Variants in DTNA observed in about 807,000 individuals in gnomAD.
DTNA encodes the protein dystrophin-related protein 3.
A neutral mutation model predicts 100.7 loss-of-function variants in DTNA; 43 were observed. That is an observed-to-expected ratio of 0.43 (90% confidence interval 0.33 to 0.55). The LOEUF (loss-of-function observed/expected upper bound fraction) is 0.55. Among genes scored for constraint, DTNA ranks in the 20% least tolerant of loss-of-function variants. DTNA has a pLI of 0.04. For missense variants in DTNA, 798 were observed against 953.9 expected, an observed-to-expected ratio of 0.84 and a Z score of 2.15; for synonymous variants, 349 against 347.9, an observed-to-expected ratio of 1.00 and a Z score of -0.04.
intron 1 of DTNA, among the ~76,000 whole-genome samples, chr18:34,503,104 C>T (rs1230765057): frequency 6.6e-6 from 1 of 151,826 alleles, no homozygotes; most frequent in Non-Finnish European, 1.5e-5. Context: ...AATAATGCCC[C>T]TCTCTGTATC....
intron 1 of DTNA, among the ~76,000 whole-genome samples, chr18:34,692,013 A>G (rs1357419278): frequency 1.3e-5 from 2 of 152,226 alleles, no homozygotes; most frequent in Non-Finnish European, 2.9e-5. Context: ...AACCTTCATT[A>G]TCAATCACAG....
intron 9 of DTNA, chr18:34,825,404 C>G (rs1235994397): frequency 8.6e-7 from 1 of 1,169,178 alleles, no homozygotes; most frequent in Non-Finnish European, 1.3e-6. Flanking sequence ...GCTGTACACT[C>G]AGTTCACAAG....
At chr18:34,535,939 T>C (rs1441195845) in intron 1 of DTNA, among the ~76,000 whole-genome samples, 1 of 152,076 alleles carries the variant, frequency 6.6e-6, no homozygotes, top group African/African-American at 2.4e-5. Flanking sequence ...TGTCTTCTTT[T>C]ATTCTTCTAA....
chr18:34,617,492 C>T (rs922399909), intron 1 of DTNA, among the ~76,000 whole-genome samples: 1 of 152,026 alleles, frequency 6.6e-6, no homozygotes. Context: ...TTGTGGTGGA[C>T]TCGCTTTTTG....
At chr18:34,678,003 G>A (rs140875858) in intron 1 of DTNA, among the ~76,000 whole-genome samples, 239 of 152,246 alleles carry the variant, frequency 1.6e-3, no homozygotes, top group Middle Eastern at 3.4e-3. Flanking sequence ...ACTTACAGTC[G>A]TGGTGAAAGT....
chr18:34,826,152 G>A (rs140750170), intron 9 of DTNA, among the ~76,000 whole-genome samples: 3 of 152,298 alleles, frequency 2.0e-5, no homozygotes, highest in East Asian at 1.9e-4. Flanking sequence ...CAGATGACAT[G>A]TCTTACAAAA....
rs7244335 is a variant in DTNA at position 34,634,706 on chromosome 18, T to A, written c.-1-121270T>A. 8.8e-3 allele frequency among the ~76,000 whole-genome samples: 1,345 copies of A among 152,242 alleles called. 13 individuals are homozygous for A. The highest frequency in any genetic ancestry group is 0.03 in the African/African-American group (1,265 of 41,532). On this transcript the variant is annotated intron_variant, in intron 1 of 19. Transcript: ENST00000283365. ...AAGTGGTTGTTTCTTTTAAAAAAAATTTAATTAACAAATATAAATTGTATA... is the reference window on the plus strand; with the variant it reads ...AAGTGGTTGTTTCTTTTAAAAAAAAATTAATTAACAAATATAAATTGTATA...
chr18:34,685,353 A>T (rs1180672868), intron 1 of DTNA, among the ~76,000 whole-genome samples: 1 of 152,222 alleles, frequency 6.6e-6, no homozygotes, highest in Admixed American at 6.5e-5. Context: ...AGCTTTCTGC[A>T]TATGGCTAGC....
intron 1 of DTNA, among the ~76,000 whole-genome samples, chr18:34,610,237 T>C (rs917624703): frequency 2.0e-5 from 3 of 152,154 alleles, no homozygotes; most frequent in Admixed American, 1.3e-4. Flanking sequence ...TTCTATAGGC[T>C]AAGGAAGATT....
chr18:34,572,494 A>G (rs1218423377), intron 1 of DTNA, among the ~76,000 whole-genome samples: 2 of 152,064 alleles, frequency 1.3e-5, no homozygotes, highest in African/African-American at 4.8e-5. Flanking sequence ...CTTTTTGCAA[A>G]TTAAAAAAAT....
rs112343167 is a variant in DTNA at position 34,658,406 on chromosome 18, G to T, written c.-1-97570G>T. The stretch of plus-strand genomic sequence containing the variant: ...CTGGCTCTATCACCCAGGCTGGAGC[G>T]CAGTGGCGTGATCTTGGCTCACTGT... On this transcript the variant is annotated intron_variant, in intron 1 of 19. Coordinates refer to the DTNA transcript ENST00000283365. Among the ~76,000 whole-genome samples the T allele has an allele frequency of 4.4e-3, 669 of 152,274 alleles. 1 individual carries two copies. The highest frequency in any genetic ancestry group is 6.0e-3 in the Non-Finnish European group (411 of 68,024).
intron 1 of DTNA, among the ~76,000 whole-genome samples, chr18:34,521,989 T>C (rs74732519): frequency 0.042 from 6,346 of 152,242 alleles, 472 homozygotes; most frequent in African/African-American, 0.15. Context: ...AGAGCTGAGG[T>C]TCATTAAGTA....
At chr18:34,547,328 C>T (rs1472930799) in intron 1 of DTNA, among the ~76,000 whole-genome samples, 1 of 152,088 alleles carries the variant, frequency 6.6e-6, no homozygotes, top group Non-Finnish European at 1.5e-5. Flanking sequence ...CTCAGTCAAC[C>T]TGTCAGCTTC....
At chr18:34,826,182 A>C (rs1314618389) in intron 9 of DTNA, among the ~76,000 whole-genome samples, 1 of 152,168 alleles carries the variant, frequency 6.6e-6, no homozygotes, top group African/African-American at 2.4e-5. Flanking sequence ...ATAGTTTAGC[A>C]CCAGCTACCT....
intron 1 of DTNA, 75 bp from the exon 2 acceptor site, chr18:34,755,901 G>C: frequency 2.3e-6 from 3 of 1,302,716 alleles, no homozygotes; most frequent in Non-Finnish European, 3.3e-6. Flanking sequence ...AGTACAGCAA[G>C]TACGTTTACA....
At chr18:34,672,028 C>G (rs2076828038) in intron 1 of DTNA, among the ~76,000 whole-genome samples, 1 of 152,088 alleles carries the variant, frequency 6.6e-6, no homozygotes, top group African/African-American at 2.4e-5. Flanking sequence ...CTGCAAAATT[C>G]AATTTAATTC....
chr18:34,589,203 A>G lies in DTNA; in HGVS notation c.-2+95689A>G, dbSNP rs182958670. ...GTGGTTTTCTTTGTTTTTAAAATGT[A>G]TGTTTGTAAGGTATACATGATGTTT... On this transcript the variant is annotated intron_variant, in intron 1 of 19. Coordinates refer to the DTNA transcript ENST00000283365. Among the ~76,000 whole-genome samples, 467 of 152,138 alleles carry G rather than the reference A, an allele frequency of 3.1e-3. 1 individual carries two copies. The highest frequency in any genetic ancestry group is 0.01 in the African/African-American group (435 of 41,514).
intron 16 of DTNA, among the ~76,000 whole-genome samples, chr18:34,859,794 T>C (rs2096595895): frequency 1.3e-5 from 2 of 151,796 alleles, no homozygotes; most frequent in Non-Finnish European, 2.9e-5. Context: ...AGTCAGAAGC[T>C]AGGGAGTAGC....
At chr18:34,621,749 C>T (rs1027023616) in intron 1 of DTNA, among the ~76,000 whole-genome samples, 1 of 151,958 alleles carries the variant, frequency 6.6e-6, no homozygotes, top group African/African-American at 2.4e-5. Context: ...CTCTATTGTA[C>T]AACATAGTGA....
Sources: allele counts gnomAD v4.1 joint callset (sites outside exome capture counted in the v4.1 genomes callset), GRCh38; gene constraint gnomAD v4.1.1; transcripts MANE v1.5; gene names NCBI Gene and HGNC (gene_info 2026-07-23, HGNC 2026-07-21).